Variants in RGL1 observed in about 807,000 individuals in gnomAD.
RGL1 encodes the protein ral guanine nucleotide dissociation stimulator-like 1.
RGL1 carries 24 observed loss-of-function variants against 95.2 expected under a neutral mutation model. That is an observed-to-expected ratio of 0.25 (90% CI 0.18 to 0.35). RGL1 has a LOEUF of 0.35. Ranked by LOEUF, RGL1 falls within the 10% of genes least tolerant of loss-of-function variation. The pLI is 1.00. For missense variants in RGL1, 715 were observed against 936.3 expected (o/e 0.76, Z 3.08); for synonymous variants, 329 against 344.9 (o/e 0.95, Z 0.51).
At chr1:183,656,423 C>T (rs75064460) in intron 1 of RGL1, among the ~76,000 whole-genome samples, 1,984 of 152,302 alleles carry the variant, frequency 0.013, 54 homozygotes, top group African/African-American at 0.046. Context: ...TCGTACTCAG[C>T]GAATTGTAAC....
chr1:183,727,301 A>G lies in RGL1; in HGVS notation c.-32-14825A>G, dbSNP rs77820961. Among the ~76,000 whole-genome samples, 185 of 152,308 alleles carry G rather than the reference A, an allele frequency of 1.2e-3. 3 individuals carry two copies. In the East Asian group the frequency reaches 0.033, roughly 27 times the overall value. On this transcript the variant is annotated intron_variant, in intron 1 of 18. Coordinates refer to the RGL1 transcript ENST00000304685. Reference sequence around the variant, plus strand: ...GCAGAAAAGCCACTTGATAAAATTAACATCCATTACATATTATCATATTGT... The same window carrying G: ...GCAGAAAAGCCACTTGATAAAATTAGCATCCATTACATATTATCATATTGT...
At chr1:183,746,409 T>C (rs1351626098) in intron 2 of RGL1, among the ~76,000 whole-genome samples, 1 of 152,066 alleles carries the variant, frequency 6.6e-6, no homozygotes, top group South Asian at 2.1e-4. Context: ...CTTTGGTGAC[T>C]CACTTCTTTT....
chr1:183,685,365 C>G (rs2102092972), intron 1 of RGL1, among the ~76,000 whole-genome samples: 1 of 152,274 alleles, frequency 6.6e-6, no homozygotes, highest in South Asian at 2.1e-4. Context: ...CTAAGAAATT[C>G]TACTCTATGC....
chr1:183,652,348 T>C (rs1650822429), intron 1 of RGL1, among the ~76,000 whole-genome samples: 1 of 152,186 alleles, frequency 6.6e-6, no homozygotes, highest in African/African-American at 2.4e-5. Context: ...CTTTAACACA[T>C]AGTGGAGGGA....
At chr1:183,858,428 C>T (rs903570951) in intron 3 of RGL1, among the ~76,000 whole-genome samples, 6 of 152,066 alleles carry the variant, frequency 3.9e-5, no homozygotes, top group Admixed American at 2.6e-4. Context: ...GTGTCCCTAG[C>T]GTGGTAACAG....
chr1:183,861,349 C>A (rs532016758), intron 3 of RGL1, among the ~76,000 whole-genome samples: 45 of 152,328 alleles, frequency 3.0e-4, no homozygotes, highest in African/African-American at 1.1e-3. Flanking sequence ...CTGGGTACAA[C>A]TTTATCTAAG....
intron 1 of RGL1, 147 bp from the exon 2 acceptor site, chr1:183,806,228 C>A: frequency 1.7e-6 from 1 of 577,648 alleles, no homozygotes; most frequent in Non-Finnish European, 3.0e-6. Flanking sequence ...CAAAATGTGT[C>A]TTGTATTGCG....
At chr1:183,725,587 A>C (rs776728945) in intron 1 of RGL1, among the ~76,000 whole-genome samples, 13 of 152,236 alleles carry the variant, frequency 8.5e-5, no homozygotes, top group Non-Finnish European at 1.8e-4. Flanking sequence ...GATAAAGAGG[A>C]ATATTTCACA....
chr1:183,762,635 AAAG>A (rs1370142669), intron 2 of RGL1, among the ~76,000 whole-genome samples: 2 of 152,228 alleles, frequency 1.3e-5, no homozygotes, highest in Non-Finnish European at 2.9e-5. Flanking sequence ...AAACATATGA[AAAG>A]AAGCTCATCA....
intron 2 of RGL1, among the ~76,000 whole-genome samples, chr1:183,761,527 A>C (rs1232754512): frequency 6.6e-6 from 1 of 152,240 alleles, no homozygotes; most frequent in African/African-American, 2.4e-5. Context: ...GCTATCATCT[A>C]GGCTTTATTG....
chr1:183,839,999 G>C (rs959882065), intron 2 of RGL1, among the ~76,000 whole-genome samples: 1 of 152,178 alleles, frequency 6.6e-6, no homozygotes, highest in African/African-American at 2.4e-5. Flanking sequence ...TTTATGCTTA[G>C]AGTCAATGAA....
chr1:183,656,257 A>AATAAGTAC (rs1232266750), intron 1 of RGL1, among the ~76,000 whole-genome samples: 2 of 152,172 alleles, frequency 1.3e-5, no homozygotes, highest in Non-Finnish European at 2.9e-5. Context: ...TCTGAGACCA[A>AATAAGTAC]ATAAGTACAT....
chr1:183,915,630 G>A (rs1433993697), intron 15 of RGL1, among the ~76,000 whole-genome samples: 1 of 152,154 alleles, frequency 6.6e-6, no homozygotes, highest in East Asian at 1.9e-4. Flanking sequence ...TATTCTCCTC[G>A]TCTTTATAAT....
chr1:183,639,282 CAAAAAAA>C (rs1306405130), intron 1 of RGL1, among the ~76,000 whole-genome samples: 5 of 70,854 alleles, frequency 7.1e-5, no homozygotes, highest in Admixed American at 6.7e-4. Context: ...CACTTCATCT[CAAAAAAA>C]AAAAAAAAAG....
chr1:183,655,827 T>G (rs543384020), intron 1 of RGL1, among the ~76,000 whole-genome samples: 6 of 152,250 alleles, frequency 3.9e-5, no homozygotes, highest in East Asian at 1.9e-4. Context: ...TCCTAAAACT[T>G]AAGCTGAGGA....
chr1:183,871,772 T>C (rs567806414), intron 4 of RGL1, among the ~76,000 whole-genome samples: 1 of 152,374 alleles, frequency 6.6e-6, no homozygotes, highest in African/African-American at 2.4e-5. Context: ...TCTTCATGCA[T>C]TTAAAAAAGT....
At chr1:183,668,272 G>C (rs1360239665) in intron 1 of RGL1, among the ~76,000 whole-genome samples, 2 of 152,090 alleles carry the variant, frequency 1.3e-5, no homozygotes, top group African/African-American at 2.4e-5. Context: ...TTGCCTGTCT[G>C]AGGAAGTATT....
At chr1:183,821,596 A>C (rs919624857) in intron 2 of RGL1, among the ~76,000 whole-genome samples, 3 of 152,108 alleles carry the variant, frequency 2.0e-5, no homozygotes, top group Non-Finnish European at 4.4e-5. Context: ...TGGTTGGTAA[A>C]AGCTATTCTG....
At chr1:183,687,234 T>A (rs191016615) in intron 1 of RGL1, among the ~76,000 whole-genome samples, 4 of 152,344 alleles carry the variant, frequency 2.6e-5, no homozygotes, top group East Asian at 1.9e-4. Context: ...CCTTCTAGAA[T>A]GTAAGCTCTG....
Sources: gnomAD v4.1 joint callset for allele counts (sites outside exome capture counted in the v4.1 genomes callset) on GRCh38, gnomAD v4.1.1 for gene constraint, MANE v1.5 for transcripts, NCBI Gene and HGNC (gene_info 2026-07-23, HGNC 2026-07-21) for gene names.